Variants in CUX2 observed in about 807,000 individuals in gnomAD.
CUX2 encodes the protein cut like homeobox 2.
A neutral mutation model predicts 144.8 loss-of-function variants in CUX2; 40 were observed. The ratio of observed to expected loss-of-function variants is 0.28; its 90% CI spans 0.21 to 0.36. CUX2 has a LOEUF of 0.36. CUX2 is among the 10% of genes least tolerant of loss of function. The pLI is 1.00. For missense variants in CUX2, 1,615 were observed against 1,994.0 expected, an observed-to-expected ratio of 0.81 and a Z score of 3.62; for synonymous variants, 827 against 875.6, an observed-to-expected ratio of 0.94 and a Z score of 0.98.
chr12:111,230,709 A>G (rs1882424704), intron 3 of CUX2, among the ~76,000 whole-genome samples: 2 of 152,218 alleles, frequency 1.3e-5, no homozygotes. Flanking sequence ...CCTGAAACTC[A>G]CCATCTAGCG....
chr12:111,132,815 G>A (rs985025064), intron 1 of CUX2, among the ~76,000 whole-genome samples: 4 of 151,996 alleles, frequency 2.6e-5, no homozygotes, highest in African/African-American at 9.7e-5. Flanking sequence ...TGATGCGCCT[G>A]CCTCGGCCTC....
intron 1 of CUX2, among the ~76,000 whole-genome samples, chr12:111,046,845 C>T (rs542831733): frequency 6.6e-6 from 1 of 152,200 alleles, no homozygotes; most frequent in Non-Finnish European, 1.5e-5. Context: ...TCAGTAGAGA[C>T]GGGGTTTCAC....
chr12:111,175,571 A>G (rs1878798509), intron 1 of CUX2, among the ~76,000 whole-genome samples: 1 of 152,084 alleles, frequency 6.6e-6, no homozygotes, highest in Admixed American at 6.5e-5. Context: ...TCTTTGTGGC[A>G]GGCTTGGTCA....
chr12:111,181,822 C>T (rs1025933008), intron 1 of CUX2, among the ~76,000 whole-genome samples: 1 of 151,998 alleles, frequency 6.6e-6, no homozygotes, highest in African/African-American at 2.4e-5. Context: ...CAATTAGATG[C>T]AATACAAAAA....
In CUX2 at chr12:111,246,078, C is replaced by T. The variant is rs918512396; in HGVS notation, c.223-17683C>T. ...TTCAGGGCCAAGCTGCTCTGTCTCC[C>T]GATCCCTACTCTGCCAGCTTTCCTA... On this transcript the variant is annotated intron_variant, in intron 3 of 21. Transcript: ENST00000261726. This position sits in a 1 kb window ranked among gnomAD's most constrained non-coding sequence, Gnocchi z 4.0. Among the ~76,000 whole-genome samples, 3 of 152,122 alleles carry T rather than the reference C, an allele frequency of 2.0e-5. No individual in the cohort carries two copies.
intron 1 of CUX2, among the ~76,000 whole-genome samples, chr12:111,040,920 G>C (rs1869715748): frequency 6.6e-6 from 1 of 152,198 alleles, no homozygotes; most frequent in Non-Finnish European, 1.5e-5. Flanking sequence ...TGCCTGCCCT[G>C]GGTCTACTGG....
At chr12:111,262,616 C>G (rs1386575308) in intron 3 of CUX2, among the ~76,000 whole-genome samples, 1 of 152,126 alleles carries the variant, frequency 6.6e-6, no homozygotes, top group Non-Finnish European at 1.5e-5. Context: ...TGAGCTCAAA[C>G]AATCCTCCCG....
chr12:111,304,314 G>T lies in CUX2; in HGVS notation c.858G>T (p.Gly286=). The T allele has an allele frequency of 6.2e-7, 1 of 1,612,398 alleles. No individual in the cohort carries two copies. Residue 286 remains glycine, a splice_region_variant and synonymous_variant, in exon 10 of 22, where the codon GGG becomes GGT. Transcript: ENST00000261726. This position sits in a 1 kb window ranked among gnomAD's most constrained non-coding sequence, Gnocchi z 4.7. The stretch of plus-strand genomic sequence containing the variant: ...GCTGCTCTCCCCAGGGGCCCAGTGG[G>T]GTAAGGATGGGGTTGGGGAAGTGAG... ...LACCSPQGPS[G]DKVNFTLCSG...
intron 1 of CUX2, among the ~76,000 whole-genome samples, chr12:111,184,860 G>A (rs550386231): frequency 6.6e-5 from 10 of 152,222 alleles, no homozygotes; most frequent in Non-Finnish European, 1.0e-4. Context: ...TCAGGAGATC[G>A]AGATCATCCC....
intron 1 of CUX2, among the ~76,000 whole-genome samples, chr12:111,096,794 A>G (rs1872842737): frequency 6.6e-6 from 1 of 152,212 alleles, no homozygotes; most frequent in African/African-American, 2.4e-5. Context: ...CCTGGCCAGC[A>G]TGATGAAACT....
chr12:111,265,899 T>C (rs1350395991), intron 4 of CUX2, among the ~76,000 whole-genome samples: 1 of 152,088 alleles, frequency 6.6e-6, no homozygotes, highest in Non-Finnish European at 1.5e-5. Context: ...CACCCTCAGC[T>C]GTCCGACTGC....
At chr12:111,226,603 A>AT (rs1190034372) in intron 3 of CUX2, among the ~76,000 whole-genome samples, 2 of 152,086 alleles carry the variant, frequency 1.3e-5, no homozygotes, top group Non-Finnish European at 2.9e-5. Context: ...ATATTGACTG[A>AT]TTTTTTTAAT....
chr12:111,222,809 C>A (rs1160531981), intron 3 of CUX2, among the ~76,000 whole-genome samples: 1 of 152,174 alleles, frequency 6.6e-6, no homozygotes, highest in Non-Finnish European at 1.5e-5. Flanking sequence ...TCCCTCTAAT[C>A]ACTCAGGGTC....
rs143020999 is a variant in CUX2 at position 111,095,910 on chromosome 12, G to C, written c.63+61670G>C. On this transcript the variant is annotated intron_variant, in intron 1 of 21. Coordinates refer to ENST00000261726, the MANE Select transcript of CUX2 (RefSeq NM_015267.4). ...GTAGGGTCCGGAAATGCTGGGCCTG[G>C]AGTGAGTCCCTGCACATGGTGGTTG... Among the ~76,000 whole-genome samples the C allele has an allele frequency of 7.0e-4, 107 of 152,314 alleles. 1 individual carries two copies. The highest frequency in any genetic ancestry group is 5.3e-4 in the Non-Finnish European group (36 of 68,028).
intron 21 of CUX2, among the ~76,000 whole-genome samples, chr12:111,343,151 T>G (rs546167519): frequency 6.6e-6 from 1 of 151,930 alleles, no homozygotes; most frequent in African/African-American, 2.4e-5. Flanking sequence ...GATCCCTGAT[T>G]TGGGGCTCCT....
chr12:111,153,262 G>T (rs776229816), intron 1 of CUX2, among the ~76,000 whole-genome samples: 1 of 152,154 alleles, frequency 6.6e-6, no homozygotes. Context: ...TTCAATAAGC[G>T]TATTATGATA....
chr12:111,143,824 A>C (rs2136126681), intron 1 of CUX2, among the ~76,000 whole-genome samples: 1 of 152,054 alleles, frequency 6.6e-6, no homozygotes, highest in South Asian at 2.1e-4. Flanking sequence ...TTTTCTTGGA[A>C]GCTCTGGGGA....
intron 18 of CUX2, among the ~76,000 whole-genome samples, chr12:111,328,941 A>ATCTCTCCC (rs1887949182): frequency 3.4e-5 from 1 of 28,994 alleles, no homozygotes; most frequent in African/African-American, 2.6e-4. Context: ...TGATTCACCT[A>ATCTCTCCC]TCTCTCTCTC....
chr12:111,237,201 A>G (rs768612826), intron 3 of CUX2, among the ~76,000 whole-genome samples: 3 of 152,218 alleles, frequency 2.0e-5, no homozygotes, highest in Non-Finnish European at 2.9e-5. Flanking sequence ...CCAGCATCCA[A>G]CATAAGGAAG....
Sources: allele counts gnomAD v4.1 joint callset (sites outside exome capture counted in the v4.1 genomes callset), GRCh38; gene constraint gnomAD v4.1.1; non-coding constraint Gnocchi (gnomAD v3.1); transcripts MANE v1.5; gene names NCBI Gene and HGNC (gene_info 2026-07-23, HGNC 2026-07-21).